The following EXOC6 variants were observed in gnomAD, a reference collection of about 807,000 sequenced individuals.
The protein encoded by EXOC6 is exocyst complex component 6.
Under a neutral mutation model 112.5 loss-of-function variants are expected in EXOC6, and 60 were observed. That is an observed-to-expected ratio of 0.53 (90% CI 0.43 to 0.66). The LOEUF (loss-of-function observed/expected upper bound fraction) is 0.66, where lower values mean the gene tolerates loss of function less well. EXOC6 is among the 30% of genes least tolerant of loss of function. The probability of loss-of-function intolerance (pLI) is 0.00; values close to 1 mark genes in which losing one functional copy is unlikely to be tolerated. For missense variants in EXOC6, 855 were observed against 957.1 expected, an observed-to-expected ratio of 0.89 and a Z score of 1.41; for synonymous variants, 295 against 308.0, an observed-to-expected ratio of 0.96 and a Z score of 0.44.
At chr10:92,937,815 A>G (rs1736292685) in intron 12 of EXOC6, among the ~76,000 whole-genome samples, 1 of 152,184 alleles carries the variant, frequency 6.6e-6, no homozygotes, top group Admixed American at 6.5e-5. Context: ...AATTTTGGAT[A>G]GTAATTTTGC....
At chr10:92,997,271 C>T (rs1843536833) in intron 18 of EXOC6, among the ~76,000 whole-genome samples, 1 of 151,904 alleles carries the variant, frequency 6.6e-6, no homozygotes, top group African/African-American at 2.4e-5. Flanking sequence ...CTGAGAAAGC[C>T]AAGTAAACTA....
Position 92,994,133 on chromosome 10 carries a change from A to G in EXOC6, c.1954-3341A>G, listed in dbSNP as rs575625142. 2.6e-5 allele frequency among the ~76,000 whole-genome samples: 4 copies of G among 152,330 alleles called. No individual in the cohort carries two copies. In the East Asian group the frequency reaches 7.7e-4, roughly 29 times the overall value. On this transcript the variant is annotated intron_variant, in intron 18 of 21. Transcript: ENST00000260762. ...AGATTGTAGTCATATTTCTCATTCT[A>G]TATGCTTTGACTTTGTTGAATGCAG...
At chr10:92,913,035 G>C (rs1475293225) in intron 6 of EXOC6, among the ~76,000 whole-genome samples, 3 of 152,108 alleles carry the variant, frequency 2.0e-5, no homozygotes, top group Non-Finnish European at 4.4e-5. Context: ...CGTGCTTTTG[G>C]CTCATTCTGG....
At chr10:93,013,174 A>T (rs1033259983) in intron 19 of EXOC6, among the ~76,000 whole-genome samples, 1 of 152,134 alleles carries the variant, frequency 6.6e-6, no homozygotes. Context: ...CTAATATTGG[A>T]ATTGTCTTTA....
chr10:92,991,126 CTT>C lies in EXOC6; in HGVS notation c.1954-6335_1954-6334del, dbSNP rs34279554. ...TCTAAACCATTAGTGATTCTGGCAA[CTT>C]TTTTTTTTTTTTCCCAAGACAGAGT... On this transcript the variant is annotated intron_variant, in intron 18 of 21. Coordinates refer to ENST00000260762, the MANE Select transcript of EXOC6 (RefSeq NM_019053.6). Among the ~76,000 whole-genome samples, 1,086 of 145,094 alleles carry C rather than the reference CTT, an allele frequency of 7.5e-3. 22 individuals are homozygous for C. The highest frequency in any genetic ancestry group is 0.025 in the African/African-American group (982 of 39,456).
intron 17 of EXOC6, among the ~76,000 whole-genome samples, chr10:92,972,233 C>T (rs771263938): frequency 1.8e-4 from 27 of 152,278 alleles, no homozygotes; most frequent in Non-Finnish European, 3.4e-4. Flanking sequence ...AGGGGACGTC[C>T]CCAAATGCTG....
At chr10:92,923,457 A>G (rs1272434633) in intron 8 of EXOC6, among the ~76,000 whole-genome samples, 3 of 152,214 alleles carry the variant, frequency 2.0e-5, no homozygotes, top group Admixed American at 1.3e-4. Flanking sequence ...TTCTGGCTAC[A>G]GGTCTCTTAT....
chr10:92,977,266 T>TG (rs1257385357), intron 18 of EXOC6, among the ~76,000 whole-genome samples: 16 of 138,550 alleles, frequency 1.2e-4, no homozygotes, highest in Non-Finnish European at 2.1e-4. Context: ...CTGCTTGGAA[T>TG]GGGGAAAAAA....
At chr10:93,044,139 T>G (rs1285950125) in intron 20 of EXOC6, among the ~76,000 whole-genome samples, 2 of 152,236 alleles carry the variant, frequency 1.3e-5, no homozygotes, top group African/African-American at 4.8e-5. Flanking sequence ...TCATGTTTAA[T>G]TGTGCTTTGA....
intron 1 of EXOC6, among the ~76,000 whole-genome samples, chr10:92,874,767 C>T (rs1475975521): frequency 6.6e-6 from 1 of 152,172 alleles, no homozygotes; most frequent in Admixed American, 6.6e-5. Context: ...AAGTGGACAA[C>T]CATCTTTCTT....
intron 20 of EXOC6, among the ~76,000 whole-genome samples, chr10:93,051,396 A>G (rs531376646): frequency 8.7e-4 from 132 of 152,342 alleles, no homozygotes; most frequent in African/African-American, 2.9e-3. Context: ...GGACATTGGA[A>G]GAGGGCAGGC....
At chr10:93,034,756 A>G (rs1193616672) in intron 20 of EXOC6, among the ~76,000 whole-genome samples, 2 of 152,232 alleles carry the variant, frequency 1.3e-5, no homozygotes, top group African/African-American at 4.8e-5. Flanking sequence ...AATAACAATT[A>G]TTTCCACTAT....
At chr10:92,901,154 A>G (rs1850143168) in intron 5 of EXOC6, 1 of 152,182 alleles carries the variant, frequency 6.6e-6, no homozygotes, top group East Asian at 1.9e-4. Context: ...TCCTTAGGTT[A>G]TGCTAAATTT....
At chr10:92,954,239 C>T (rs1853572439) in intron 15 of EXOC6, among the ~76,000 whole-genome samples, 1 of 152,014 alleles carries the variant, frequency 6.6e-6, no homozygotes, top group Admixed American at 6.6e-5. Flanking sequence ...ATAATTGCAC[C>T]ACTGTACTCC....
At chr10:92,881,070 CT>C (rs1848938374) in intron 1 of EXOC6, among the ~76,000 whole-genome samples, 1 of 152,076 alleles carries the variant, frequency 6.6e-6, no homozygotes, top group African/African-American at 2.4e-5. Flanking sequence ...CCTGCTGGGG[CT>C]GAAGTAATCT....
chr10:92,943,393 G>A (rs1852786537), intron 13 of EXOC6, among the ~76,000 whole-genome samples: 1 of 152,224 alleles, frequency 6.6e-6, no homozygotes, highest in East Asian at 1.9e-4. Context: ...TTTATAAATA[G>A]TGAATTGACA....
At chr10:92,930,503 C>CT (rs1372278674) in intron 9 of EXOC6, among the ~76,000 whole-genome samples, 48 of 108,632 alleles carry the variant, frequency 4.4e-4, no homozygotes, top group Non-Finnish European at 6.0e-4. Context: ...GACTCTGTCT[C>CT]AAATAATAAT....
At chr10:92,869,525 G>T (rs1848337436) in intron 1 of EXOC6, among the ~76,000 whole-genome samples, 1 of 152,062 alleles carries the variant, frequency 6.6e-6, no homozygotes, top group South Asian at 2.1e-4. Flanking sequence ...GCTCAGGCTG[G>T]TCTCAAACTC....
At chr10:93,045,949 C>T (rs115792917) in intron 20 of EXOC6, among the ~76,000 whole-genome samples, 2,536 of 152,308 alleles carry the variant, frequency 0.017, 66 homozygotes, top group African/African-American at 0.057. Context: ...ATAGCCTAGT[C>T]TGGCTTTCAG....
Sources: gnomAD v4.1 joint callset for allele counts (sites outside exome capture counted in the v4.1 genomes callset) on GRCh38, gnomAD v4.1.1 for gene constraint, MANE v1.5 for transcripts, NCBI Gene and HGNC (gene_info 2026-07-23, HGNC 2026-07-21) for gene names.